Variants in WIPF3 observed in about 807,000 individuals in gnomAD.
WIPF3 encodes WAS/WASL-interacting protein family member 3.
In WIPF3, 33 loss-of-function variants were observed where a neutral mutation model predicts 38.9. The ratio of observed to expected loss-of-function variants is 0.85; its 90% CI spans 0.64 to 1.14. The LOEUF is 1.14. Among genes scored for constraint, WIPF3 ranks in the 50% most tolerant of loss-of-function variants. The pLI is 0.00. For missense variants in WIPF3, 711 were observed against 652.5 expected (o/e 1.09, Z -0.98); for synonymous variants, 324 against 269.3 (o/e 1.20, Z -1.99).
intron 1 of WIPF3, among the ~76,000 whole-genome samples, chr7:29,833,052 A>G (rs374699735): frequency 7.9e-5 from 12 of 152,266 alleles, no homozygotes; most frequent in African/African-American, 2.7e-4. Flanking sequence ...GCTAAATGAA[A>G]TAAGCCAGAC....
At chr7:29,834,122 A>C (rs1784762216) in intron 1 of WIPF3, among the ~76,000 whole-genome samples, 1 of 152,166 alleles carries the variant, frequency 6.6e-6, no homozygotes, top group Non-Finnish European at 1.5e-5. Context: ...CAGGAATAGC[A>C]GGGAAAGTAA....
At chr7:29,818,955 C>T (rs1019592238) in intron 1 of WIPF3, among the ~76,000 whole-genome samples, 3 of 152,142 alleles carry the variant, frequency 2.0e-5, no homozygotes, top group Admixed American at 1.3e-4. Context: ...TGCATTTAAA[C>T]CCTACTTGGT....
chr7:29,875,332 G>A (rs968433187), intron 2 of WIPF3, among the ~76,000 whole-genome samples: 1 of 152,108 alleles, frequency 6.6e-6, no homozygotes, highest in Non-Finnish European at 1.5e-5. Flanking sequence ...GAGGATGTGA[G>A]TACCTAAGGA....
At chr7:29,888,001 C>T in intron 5 of WIPF3, 67 bp from the exon 6 acceptor site, 2 of 1,591,072 alleles carry the variant, frequency 1.3e-6, no homozygotes, top group Non-Finnish European at 1.7e-6. Flanking sequence ...CCTAATATCT[C>T]ACATAAGGTT....
intron 7 of WIPF3, among the ~76,000 whole-genome samples, chr7:29,889,997 C>T (rs573111137): frequency 3.3e-5 from 5 of 152,332 alleles, no homozygotes; most frequent in African/African-American, 1.2e-4. Context: ...GGGCCCTCCT[C>T]CTCCTGATTT....
intron 2 of WIPF3, among the ~76,000 whole-genome samples, chr7:29,861,336 G>C (rs1785271410): frequency 1.3e-5 from 2 of 152,074 alleles, no homozygotes; most frequent in African/African-American, 4.8e-5. Context: ...TACTATATTT[G>C]CTTATATTTG....
chr7:29,865,160 A>G (rs929537645), intron 2 of WIPF3, among the ~76,000 whole-genome samples: 12 of 152,166 alleles, frequency 7.9e-5, no homozygotes, highest in African/African-American at 2.9e-4. Context: ...TAACCTGGCT[A>G]AGTTTTGCCA....
At chr7:29,893,326 G>A (rs1786066078) in intron 7 of WIPF3, among the ~76,000 whole-genome samples, 1 of 152,194 alleles carries the variant, frequency 6.6e-6, no homozygotes, top group African/African-American at 2.4e-5. Context: ...GATGCCATGT[G>A]GCAGGTGGAG....
intron 2 of WIPF3, among the ~76,000 whole-genome samples, chr7:29,843,915 C>T (rs1239568097): frequency 6.6e-6 from 1 of 152,100 alleles, no homozygotes; most frequent in African/African-American, 2.4e-5. Flanking sequence ...CCATGCTGAG[C>T]TCCACATCTA....
chr7:29,884,349 T>G lies in WIPF3; in HGVS notation c.855T>G (p.Asp285Glu). The G allele has an allele frequency of 1.4e-6, 2 of 1,390,510 alleles. No individual in the cohort carries two copies. The highest frequency in any genetic ancestry group is 1.9e-6 in the Non-Finnish European group (2 of 1,058,768). 86.1% of individuals were successfully genotyped at this position (1,390,510 alleles called of 1,614,324 possible). A position where few individuals can be genotyped will look rare whatever the true frequency, so the allele number is the denominator to read the frequency against. Reference protein sequence around the residue: ...LKAEPASPAQDAQEPPAPPPP... With the variant: ...LKAEPASPAQEAQEPPAPPPP... Reference sequence around the variant, plus strand: ...CGGAGCCCGCCAGCCCTGCGCAAGATGCGCAGGAGCCTCCCGCCCCGCCGC... The same window carrying G: ...CGGAGCCCGCCAGCCCTGCGCAAGAGGCGCAGGAGCCTCCCGCCCCGCCGC... Residue 285 changes from aspartate (D) to glutamate (E), a missense_variant, in exon 5 of 9, where the codon GAT becomes GAG. Transcript: ENST00000242140.
chr7:29,871,796 CTG>C (rs147075303), intron 2 of WIPF3, among the ~76,000 whole-genome samples: 40 of 152,278 alleles, frequency 2.6e-4, no homozygotes, highest in African/African-American at 9.6e-4. Context: ...TTTGTTAAGA[CTG>C]TTGTTCAATT....
chr7:29,866,559 C>T (rs1010409986), intron 2 of WIPF3, among the ~76,000 whole-genome samples: 3 of 152,224 alleles, frequency 2.0e-5, no homozygotes, highest in Admixed American at 6.5e-5. Context: ...ATTTTAAGTG[C>T]TTTCAGTCCC....
At chr7:29,841,155 A>G (rs1247676547) in intron 2 of WIPF3, among the ~76,000 whole-genome samples, 2 of 152,140 alleles carry the variant, frequency 1.3e-5, no homozygotes, top group Non-Finnish European at 1.5e-5. Flanking sequence ...AGGTTTTATT[A>G]TATGTAATCT....
intron 6 of WIPF3, 50 bp downstream of exon 6, chr7:29,888,267 T>C (rs780625209): frequency 3.2e-6 from 5 of 1,555,654 alleles, no homozygotes; most frequent in Non-Finnish European, 4.4e-6. Context: ...GGAAAGTGAT[T>C]CTCCCAACCT....
At chr7:29,840,207 A>G (rs1784892073) in intron 2 of WIPF3, among the ~76,000 whole-genome samples, 1 of 152,060 alleles carries the variant, frequency 6.6e-6, no homozygotes, top group Non-Finnish European at 1.5e-5. Context: ...CCTCTCGAGA[A>G]CTTCCTGGAC....
intron 1 of WIPF3, among the ~76,000 whole-genome samples, chr7:29,828,088 T>A (rs1347303693): frequency 6.6e-6 from 1 of 152,152 alleles, no homozygotes; most frequent in East Asian, 1.9e-4. Flanking sequence ...TATGAGCCAC[T>A]GCACCCAGCC....
At chr7:29,809,061 G>A (rs1784331811) in intron 1 of WIPF3, among the ~76,000 whole-genome samples, 1 of 152,150 alleles carries the variant, frequency 6.6e-6, no homozygotes, top group South Asian at 2.1e-4. Flanking sequence ...TCTAGCAAAT[G>A]TGTTATAAAT....
chr7:29,891,305 G>A (rs542190705), intron 7 of WIPF3, among the ~76,000 whole-genome samples: 3 of 146,894 alleles, frequency 2.0e-5, no homozygotes, highest in South Asian at 4.4e-4. Context: ...TGGGGAACAC[G>A]GGCCTGCCCT....
chr7:29,889,213 T>G, intron 6 of WIPF3, 93 bp from the exon 7 acceptor site: 1 of 998,324 alleles, frequency 1.0e-6, no homozygotes, highest in Non-Finnish European at 1.6e-6. Flanking sequence ...AAACGGTGGA[T>G]GCAGTCAGAG....
Sources: gnomAD v4.1 joint callset for allele counts (sites outside exome capture counted in the v4.1 genomes callset) on GRCh38, gnomAD v4.1.1 for gene constraint, MANE v1.5 for transcripts, NCBI Gene and HGNC (gene_info 2026-07-23, HGNC 2026-07-21) for gene names.